The following GALNTL6 variants were observed in gnomAD, a reference collection of about 807,000 sequenced individuals.
GALNTL6 encodes polypeptide N-acetylgalactosaminyltransferase-like 6.
GALNTL6 carries 46 observed loss-of-function variants against 73.7 expected under a neutral mutation model. The observed-to-expected ratio is 0.62, with a 90% CI of 0.49 to 0.80. GALNTL6 has a LOEUF of 0.80. Among genes scored for constraint, GALNTL6 ranks in the 30% least tolerant of loss-of-function variants. GALNTL6 has a pLI of 0.00. For missense variants in GALNTL6, 604 were observed against 755.0 expected, an observed-to-expected ratio of 0.80 and a Z score of 2.34; for synonymous variants, 259 against 263.7, an observed-to-expected ratio of 0.98 and a Z score of 0.17.
intron 5 of GALNTL6, among the ~76,000 whole-genome samples, chr4:172,424,267 CTT>C (rs1731152093): frequency 1.3e-5 from 2 of 151,808 alleles, no homozygotes; most frequent in African/African-American, 4.8e-5. Flanking sequence ...GTGCTGATAA[CTT>C]TGCAATTATT....
At chr4:171,863,853 G>A (rs1211728759) in intron 2 of GALNTL6, among the ~76,000 whole-genome samples, 5 of 151,984 alleles carry the variant, frequency 3.3e-5, no homozygotes, top group African/African-American at 9.7e-5. Context: ...CGCCTCCCAG[G>A]TTCAAGCGAT....
At chr4:171,821,588 T>C (rs1295287194) in intron 2 of GALNTL6, among the ~76,000 whole-genome samples, 1 of 151,666 alleles carries the variant, frequency 6.6e-6, no homozygotes, top group Non-Finnish European at 1.5e-5. Context: ...TGTAGTGTTA[T>C]AATGAGGATT....
chr4:172,982,593 A>G (rs1579741087), intron 10 of GALNTL6, among the ~76,000 whole-genome samples: 1 of 152,224 alleles, frequency 6.6e-6, no homozygotes, highest in Non-Finnish European at 1.5e-5. Context: ...TGAGGCCCCA[A>G]GACAAGGGGT....
In GALNTL6 at chr4:173,015,074, C is replaced by T. The variant is rs115409007; in HGVS notation, c.1488+5780C>T. On this transcript the variant is annotated intron_variant, in intron 11 of 12. Coordinates refer to ENST00000506823, the MANE Select transcript of GALNTL6 (RefSeq NM_001034845.3). ...TTTCCCCCTTTTGTTTGGCACTGCT[C>T]CTTGCTGCCGCCATGTGACGATGGA... 6.0e-3 allele frequency among the ~76,000 whole-genome samples: 914 copies of T among 152,286 alleles called. 5 individuals carry two copies. The highest frequency in any genetic ancestry group is 0.027 in the Middle Eastern group (8 of 294).
chr4:172,393,343 A>G (rs1743734681), intron 5 of GALNTL6, among the ~76,000 whole-genome samples: 2 of 152,288 alleles, frequency 1.3e-5, no homozygotes, highest in Admixed American at 6.5e-5. Flanking sequence ...GGATTGTCAC[A>G]AAGTGCCTCC....
intron 5 of GALNTL6, among the ~76,000 whole-genome samples, chr4:172,729,422 G>A (rs1736019749): frequency 6.6e-6 from 1 of 151,960 alleles, no homozygotes; most frequent in Admixed American, 6.6e-5. Context: ...TAAGAGATAG[G>A]GATCTAGCTT....
At chr4:172,732,089 T>C (rs1022979124) in intron 5 of GALNTL6, among the ~76,000 whole-genome samples, 21 of 152,244 alleles carry the variant, frequency 1.4e-4, no homozygotes, top group Admixed American at 1.1e-3. Flanking sequence ...CACTGTTTCC[T>C]TGTTGATTTT....
intron 10 of GALNTL6, among the ~76,000 whole-genome samples, chr4:172,991,324 T>C (rs1751526854): frequency 6.6e-6 from 1 of 152,160 alleles, no homozygotes; most frequent in Admixed American, 6.6e-5. Flanking sequence ...TACATGAAAA[T>C]CTTGTTCAAA....
intron 2 of GALNTL6, among the ~76,000 whole-genome samples, chr4:171,876,554 C>T (rs1455880430): frequency 2.0e-5 from 3 of 152,178 alleles, no homozygotes; most frequent in Admixed American, 2.0e-4. Flanking sequence ...AGAAACAAAC[C>T]GTCTAACCCT....
intron 7 of GALNTL6, among the ~76,000 whole-genome samples, chr4:172,880,133 C>G (rs780111679): frequency 2.0e-5 from 3 of 151,990 alleles, no homozygotes; most frequent in Non-Finnish European, 4.4e-5. Flanking sequence ...ACTATATGAT[C>G]TAGTTATTCC....
intron 7 of GALNTL6, among the ~76,000 whole-genome samples, chr4:172,844,939 G>A (rs990259772): frequency 6.6e-6 from 1 of 152,126 alleles, no homozygotes; most frequent in Non-Finnish European, 1.5e-5. Context: ...ATTCTGGCTG[G>A]GCGCGGTGGC....
At chr4:171,930,404 C>T (rs1417736372) in intron 2 of GALNTL6, among the ~76,000 whole-genome samples, 2 of 152,066 alleles carry the variant, frequency 1.3e-5, no homozygotes, top group Non-Finnish European at 2.9e-5. Flanking sequence ...AACAAACACC[C>T]TAGGAAGCAT....
intron 2 of GALNTL6, among the ~76,000 whole-genome samples, chr4:172,081,931 C>T (rs1731893304): frequency 6.6e-6 from 1 of 150,818 alleles, no homozygotes; most frequent in South Asian, 2.1e-4. Flanking sequence ...GGCTAGAGTG[C>T]AATGGCTCAA....
At position 172,813,692 on chromosome 4, in the gene GALNTL6, C is replaced by T. The variant is rs368221830; in HGVS notation, c.892C>T (p.Leu298Phe). The T allele has an allele frequency of 2.5e-6, 4 of 1,609,358 alleles. No individual in the cohort carries two copies. The highest frequency in any genetic ancestry group is 2.7e-5 in the African/African-American group (2 of 74,848). ...YYKRIPIPPE[L>F]QRADPSDPFE... The stretch of plus-strand genomic sequence containing the variant: ...CAAAAGAATCCCCATCCCTCCAGAG[C>T]TCCAGAGGGCAGATCCCAGCGACCC... Residue 298 changes from leucine (L) to phenylalanine (F), a missense_variant, in exon 7 of 13, where the codon CTC becomes TTC. Transcript: ENST00000506823.
intron 2 of GALNTL6, among the ~76,000 whole-genome samples, chr4:172,106,039 A>G (rs1189137354): frequency 3.3e-5 from 5 of 152,208 alleles, no homozygotes; most frequent in Admixed American, 6.5e-5. Flanking sequence ...TCAAACTACA[A>G]TGTAACTTCT....
chr4:172,346,734 C>T (rs1741753553), intron 4 of GALNTL6, among the ~76,000 whole-genome samples: 2 of 152,136 alleles, frequency 1.3e-5, no homozygotes, highest in South Asian at 4.1e-4. Flanking sequence ...ATCAAACCTT[C>T]AGTAAATTAC....
At chr4:171,861,092 C>T (rs1466421915) in intron 2 of GALNTL6, among the ~76,000 whole-genome samples, 1 of 152,090 alleles carries the variant, frequency 6.6e-6, no homozygotes, top group Non-Finnish European at 1.5e-5. Flanking sequence ...GTACAAATTC[C>T]ACCCATTTCT....
intron 4 of GALNTL6, among the ~76,000 whole-genome samples, chr4:172,320,897 GA>G (rs1373909326): frequency 6.6e-6 from 1 of 152,150 alleles, no homozygotes; most frequent in Non-Finnish European, 1.5e-5. Context: ...GTAATGAAAA[GA>G]AATGGACTTC....
intron 10 of GALNTL6, among the ~76,000 whole-genome samples, chr4:172,978,436 T>G (rs1750930296): frequency 6.6e-6 from 1 of 152,110 alleles, no homozygotes; most frequent in African/African-American, 2.4e-5. Flanking sequence ...ATCCTAGAGC[T>G]CTTGAAACCC....
Sources: gnomAD v4.1 joint callset for allele counts (sites outside exome capture counted in the v4.1 genomes callset) on GRCh38, gnomAD v4.1.1 for gene constraint, MANE v1.5 for transcripts, NCBI Gene and HGNC (gene_info 2026-07-23, HGNC 2026-07-21) for gene names.